Variants in DCC observed in about 807,000 individuals in gnomAD.
DCC encodes netrin receptor DCC.
In DCC, 58 loss-of-function variants were observed where a neutral mutation model predicts 172.5. That is an observed-to-expected ratio of 0.34 (90% confidence interval 0.27 to 0.42). DCC has a LOEUF of 0.42. Ranked by LOEUF, DCC falls within the 10% of genes least tolerant of loss-of-function variation. DCC has a pLI of 1.00. For missense variants in DCC, 1,740 were observed against 1,791.0 expected (o/e 0.97, Z 0.51); for synonymous variants, 709 against 644.5 (o/e 1.10, Z -1.52).
At chr18:52,753,825 C>T (rs1241892388) in intron 2 of DCC, among the ~76,000 whole-genome samples, 1 of 152,144 alleles carries the variant, frequency 6.6e-6, no homozygotes, top group Admixed American at 6.5e-5. Context: ...CTGTTGGCCC[C>T]TGAAATGTTA....
At chr18:53,103,718 C>A (rs2043206162) in intron 7 of DCC, among the ~76,000 whole-genome samples, 1 of 152,070 alleles carries the variant, frequency 6.6e-6, no homozygotes, top group South Asian at 2.1e-4. Context: ...ATTTAAAGTT[C>A]TATTTCTTAA....
chr18:52,851,452 A>G (rs1457414274), intron 2 of DCC, among the ~76,000 whole-genome samples: 1 of 152,118 alleles, frequency 6.6e-6, no homozygotes, highest in African/African-American at 2.4e-5. Context: ...AATAAACCAC[A>G]GTCTCCATCA....
At chr18:52,843,154 C>CT in intron 2 of DCC, among the ~76,000 whole-genome samples, 1 of 152,234 alleles carries the variant, frequency 6.6e-6, no homozygotes, top group Non-Finnish European at 1.5e-5. Context: ...GAACTTGTAT[C>CT]TTTTTTTGCA....
intron 2 of DCC, among the ~76,000 whole-genome samples, chr18:52,894,285 A>G (rs1208211829): frequency 6.6e-6 from 1 of 152,050 alleles, no homozygotes; most frequent in Non-Finnish European, 1.5e-5. Context: ...TTGAGGAAAG[A>G]AACTGGTACT....
chr18:53,435,182 A>G lies in DCC; in HGVS notation c.3202A>G (p.Asn1068Asp), dbSNP rs748080189. The G allele has an allele frequency of 9.3e-6, 15 of 1,609,104 alleles. No homozygotes were observed. The highest frequency in any genetic ancestry group is 1.3e-5 in the Non-Finnish European group (15 of 1,175,684). The change falls in exon 22 of 29, where the codon AAT becomes GAT. Residue 1068 changes from asparagine (N) to aspartate (D), a missense_variant. By Grantham distance (23) the Asn-to-Asp change is conservative. Around this residue, in one of 2 missense-constraint regions of DCC, gnomAD observed 1,732 missense variants for 1,767.4 expected, o/e 0.98. Coordinates refer to ENST00000442544, the MANE Select transcript of DCC (RefSeq NM_005215.4). ...GDGGYWPVDT[N>D]LIDRSTLNEP... ...TGGAGGTTATTGGCCAGTTGATACT[A>G]ATTTGATTGATAGAAGCACCCTAAA...
At chr18:52,544,952 A>G (rs1008005456) in intron 1 of DCC, among the ~76,000 whole-genome samples, 2 of 152,198 alleles carry the variant, frequency 1.3e-5, no homozygotes, top group African/African-American at 2.4e-5. Flanking sequence ...TGCCTTTGCA[A>G]TTGCCACTGC....
At chr18:52,721,993 C>T (rs370570184) in intron 1 of DCC, among the ~76,000 whole-genome samples, 101 of 152,158 alleles carry the variant, frequency 6.6e-4, no homozygotes, top group African/African-American at 2.2e-3. Context: ...CACTGCATTC[C>T]AGGCTGGGCC....
intron 14 of DCC, among the ~76,000 whole-genome samples, chr18:53,330,512 A>G (rs1162798690): frequency 2.0e-5 from 3 of 152,128 alleles, no homozygotes. Context: ...TTTTCTGGAT[A>G]CCTGTTTGCT....
At chr18:53,133,371 G>GT (rs148058589) in intron 7 of DCC, among the ~76,000 whole-genome samples, 3 of 152,132 alleles carry the variant, frequency 2.0e-5, no homozygotes, top group Non-Finnish European at 4.4e-5. Flanking sequence ...TCCAAGTACT[G>GT]TTTTAGTTTT....
At chr18:52,464,399 T>C (rs1568182026) in intron 1 of DCC, among the ~76,000 whole-genome samples, 1 of 152,092 alleles carries the variant, frequency 6.6e-6, no homozygotes, top group Admixed American at 6.6e-5. Context: ...ATGTCAGCAG[T>C]AGATAAATGT....
intron 7 of DCC, among the ~76,000 whole-genome samples, chr18:53,140,106 C>A (rs2043808007): frequency 6.6e-6 from 1 of 152,136 alleles, no homozygotes; most frequent in African/African-American, 2.4e-5. Context: ...TTTAAGGGAG[C>A]TTTTAGTTTA....
At chr18:53,442,069 C>T (rs1912312474) in intron 22 of DCC, among the ~76,000 whole-genome samples, 1 of 152,138 alleles carries the variant, frequency 6.6e-6, no homozygotes, top group African/African-American at 2.4e-5. Flanking sequence ...TTCATGAGCC[C>T]CCACCAACAG....
At chr18:52,759,299 A>C (rs1020635263) in intron 2 of DCC, among the ~76,000 whole-genome samples, 6 of 152,212 alleles carry the variant, frequency 3.9e-5, no homozygotes, top group African/African-American at 1.4e-4. Context: ...AAATACAAAT[A>C]TATTCCTGAA....
At chr18:53,178,042 T>C (rs950011438) in intron 8 of DCC, among the ~76,000 whole-genome samples, 5 of 152,200 alleles carry the variant, frequency 3.3e-5, no homozygotes, top group African/African-American at 4.8e-5. Flanking sequence ...GCAAGAGATA[T>C]TATCTAGATA....
chr18:53,001,175 C>G (rs2041559815), intron 5 of DCC, among the ~76,000 whole-genome samples: 1 of 151,962 alleles, frequency 6.6e-6, no homozygotes, highest in Admixed American at 6.6e-5. Context: ...CGCTTTTATC[C>G]CTGGGGTTTC....
At chr18:52,919,121 TTC>T (rs1299702630) in intron 3 of DCC, among the ~76,000 whole-genome samples, 1 of 152,162 alleles carries the variant, frequency 6.6e-6, no homozygotes, top group Non-Finnish European at 1.5e-5. Context: ...CCACGTGACT[TTC>T]TGTCTTCCAT....
chr18:53,026,631 C>T (rs1016533222), intron 5 of DCC, among the ~76,000 whole-genome samples: 1 of 152,262 alleles, frequency 6.6e-6, no homozygotes, highest in Non-Finnish European at 1.5e-5. Flanking sequence ...TCATAGCTCT[C>T]TGCATCCTTG....
At chr18:53,416,391 T>C (rs180731374) in intron 21 of DCC, 1 of 673,996 alleles carries the variant, frequency 1.5e-6, no homozygotes, top group Non-Finnish European at 2.7e-6. Context: ...GAAGGACCAA[T>C]TAAAATGTCA....
At chr18:53,530,436 A>C in intron 28 of DCC, 128 bp from the exon 29 acceptor site, 1 of 741,908 alleles carries the variant, frequency 1.3e-6, no homozygotes, top group Non-Finnish European at 2.5e-6. Context: ...TTCCAAGGAC[A>C]GCCCTGGCTG....
Sources: allele counts gnomAD v4.1 joint callset (sites outside exome capture counted in the v4.1 genomes callset), GRCh38; gene constraint gnomAD v4.1.1; regional missense constraint gnomAD v4.1.1; transcripts MANE v1.5; gene names NCBI Gene and HGNC (gene_info 2026-07-23, HGNC 2026-07-21).